Variants in CCDC91 observed in about 807,000 individuals in gnomAD.
The protein encoded by CCDC91 is coiled-coil domain containing 91.
In CCDC91, 48 loss-of-function variants were observed where a neutral mutation model predicts 63.2. That is an observed-to-expected ratio of 0.76 (90% CI 0.60 to 0.97). The LOEUF is 0.97. Ranked by LOEUF, CCDC91 falls within the 50% of genes least tolerant of loss-of-function variation. CCDC91 has a pLI of 0.00. For missense variants in CCDC91, 500 were observed against 494.6 expected (o/e 1.01, Z -0.10); for synonymous variants, 167 against 165.8 (o/e 1.01, Z -0.06).
chr12:28,547,135 C>T (rs1943046252), intron 12 of CCDC91, among the ~76,000 whole-genome samples: 4 of 152,066 alleles, frequency 2.6e-5, no homozygotes, highest in South Asian at 4.1e-4. Flanking sequence ...AAAAACCCAT[C>T]TTTAAATGCT....
At chr12:28,435,850 A>G (rs1322775407) in intron 8 of CCDC91, among the ~76,000 whole-genome samples, 2 of 151,808 alleles carry the variant, frequency 1.3e-5, no homozygotes, top group Non-Finnish European at 1.5e-5. Flanking sequence ...CTTTATCATT[A>G]TGTAATGTTC....
At chr12:28,529,511 G>A (rs1279383619) in intron 12 of CCDC91, among the ~76,000 whole-genome samples, 1 of 152,184 alleles carries the variant, frequency 6.6e-6, no homozygotes, top group African/African-American at 2.4e-5. Flanking sequence ...GGCATTAGGA[G>A]CATGTTCACA....
At chr12:28,237,263 C>CACACACACACACACACACAT (rs1945020106) in intron 1 of CCDC91, among the ~76,000 whole-genome samples, 1 of 151,452 alleles carries the variant, frequency 6.6e-6, no homozygotes, top group Non-Finnish European at 1.5e-5. Flanking sequence ...CACACACACA[C>CACACACACACACACACACAT]ACATTTTTTA....
At chr12:28,530,946 T>G (rs576534956) in intron 12 of CCDC91, among the ~76,000 whole-genome samples, 47 of 152,266 alleles carry the variant, frequency 3.1e-4, no homozygotes, top group African/African-American at 1.1e-3. Context: ...TCTCACCTTC[T>G]GTTTGCCCTT....
intron 8 of CCDC91, among the ~76,000 whole-genome samples, chr12:28,440,589 T>C (rs1949132850): frequency 6.6e-6 from 1 of 152,190 alleles, no homozygotes; most frequent in South Asian, 2.1e-4. Flanking sequence ...GTTTATCTGA[T>C]TGAAAACTTG....
At chr12:28,337,417 A>G (rs1488688636) in intron 6 of CCDC91, among the ~76,000 whole-genome samples, 2 of 152,126 alleles carry the variant, frequency 1.3e-5, no homozygotes, top group East Asian at 1.9e-4. Flanking sequence ...GCAATGAAAC[A>G]TGCTTTTCAA....
chr12:28,213,516 A>C (rs1455715813), intron 1 of CCDC91, among the ~76,000 whole-genome samples: 1 of 152,224 alleles, frequency 6.6e-6, no homozygotes, highest in Non-Finnish European at 1.5e-5. Context: ...GAGATTCTGC[A>C]GCTTGGGGAA....
intron 8 of CCDC91, among the ~76,000 whole-genome samples, chr12:28,408,673 T>C (rs1947123216): frequency 6.6e-6 from 1 of 152,096 alleles, no homozygotes; most frequent in Non-Finnish European, 1.5e-5. Flanking sequence ...GGCAGAGTCT[T>C]GCTCTGTATC....
chr12:28,279,977 A>G (rs936291166), intron 3 of CCDC91, among the ~76,000 whole-genome samples: 13 of 152,142 alleles, frequency 8.5e-5, no homozygotes, highest in Admixed American at 3.3e-4. Flanking sequence ...TATAGCTCAT[A>G]TTTATCTGCC....
chr12:28,448,242 C>G (rs1949632046), intron 8 of CCDC91, among the ~76,000 whole-genome samples: 1 of 152,026 alleles, frequency 6.6e-6, no homozygotes, highest in African/African-American at 2.4e-5. Flanking sequence ...AAGAATTCGG[C>G]AGTTTGTTGT....
intron 7 of CCDC91, among the ~76,000 whole-genome samples, chr12:28,377,590 C>G (rs1409699817): frequency 6.6e-6 from 1 of 151,752 alleles, no homozygotes; most frequent in African/African-American, 2.4e-5. Flanking sequence ...AAATTAGTTA[C>G]TTATTATTAC....
At chr12:28,395,722 G>A (rs1467475581) in intron 8 of CCDC91, among the ~76,000 whole-genome samples, 1 of 152,120 alleles carries the variant, frequency 6.6e-6, no homozygotes, top group African/African-American at 2.4e-5. Flanking sequence ...CAGAAAAACC[G>A]AGGCATGAAT....
At chr12:28,364,213 C>T (rs946914266) in intron 7 of CCDC91, among the ~76,000 whole-genome samples, 4 of 151,854 alleles carry the variant, frequency 2.6e-5, no homozygotes, top group Admixed American at 2.0e-4. Context: ...TGGTGAAAAC[C>T]CGTTTCTACT....
At chr12:28,483,702 G>C (rs1951566499) in intron 11 of CCDC91, among the ~76,000 whole-genome samples, 1 of 152,058 alleles carries the variant, frequency 6.6e-6, no homozygotes, top group Non-Finnish European at 1.5e-5. Context: ...GTTCTTGGAA[G>C]AATAAACACA....
intron 7 of CCDC91, among the ~76,000 whole-genome samples, chr12:28,385,384 G>A (rs1018510053): frequency 5.9e-5 from 9 of 152,260 alleles, no homozygotes; most frequent in African/African-American, 1.9e-4. Context: ...CAATGTATTT[G>A]TCATATATCT....
intron 6 of CCDC91, among the ~76,000 whole-genome samples, chr12:28,323,971 G>A (rs545037755): frequency 3.0e-4 from 46 of 151,920 alleles, no homozygotes; most frequent in Non-Finnish European, 5.6e-4. Context: ...AATGTTTTTA[G>A]CAGTTGAGTA....
At chr12:28,406,466 C>T (rs182760575) in intron 8 of CCDC91, among the ~76,000 whole-genome samples, 1 of 152,146 alleles carries the variant, frequency 6.6e-6, no homozygotes, top group East Asian at 1.9e-4. Flanking sequence ...CAATTTTGCT[C>T]ATTTGTTGTT....
At position 28,341,453 on chromosome 12, in the gene CCDC91, T is replaced by G. The variant is rs1209863563; in HGVS notation, c.577-20985T>G. ...CTCCCTGTTCCACATTTAAGGACTTTTGTGATGACATTAAACTCACCAGAA... is the reference window on the plus strand; with the variant it reads ...CTCCCTGTTCCACATTTAAGGACTTGTGTGATGACATTAAACTCACCAGAA... On this transcript the variant is annotated intron_variant, in intron 6 of 12. Coordinates refer to ENST00000536442, the MANE Select transcript of CCDC91 (RefSeq NM_018318.5). Among the ~76,000 whole-genome samples the G allele has an allele frequency of 5.9e-5, 9 of 152,320 alleles. 1 individual carries two copies. The highest frequency in any genetic ancestry group is 5.9e-4 in the Admixed American group (9 of 15,306).
At chr12:28,284,747 T>C (rs1948811550) in intron 3 of CCDC91, among the ~76,000 whole-genome samples, 1 of 152,148 alleles carries the variant, frequency 6.6e-6, no homozygotes, top group South Asian at 2.1e-4. Flanking sequence ...TAATGAATTG[T>C]ATATGTTGGG....
Sources: gnomAD v4.1 joint callset for allele counts (sites outside exome capture counted in the v4.1 genomes callset) on GRCh38, gnomAD v4.1.1 for gene constraint, MANE v1.5 for transcripts, NCBI Gene and HGNC (gene_info 2026-07-23, HGNC 2026-07-21) for gene names.